The following CAP2 variants were observed in gnomAD, a reference collection of about 807,000 sequenced individuals.
CAP2 encodes the protein cyclase associated actin cytoskeleton regulatory protein 2, also known as adenylyl cyclase-associated protein 2.
CAP2 carries 24 observed loss-of-function variants against 57.7 expected under a neutral mutation model. That is an observed-to-expected ratio of 0.42 (90% confidence interval 0.30 to 0.58). The LOEUF is 0.58. CAP2 is among the 20% of genes least tolerant of loss of function. The pLI is 0.22. For synonymous variants in CAP2, 194 were observed against 207.2 expected (o/e 0.94, Z 0.55); for missense variants, 501 against 590.3 (o/e 0.85, Z 1.57).
chr6:17,402,447 A>G (rs949571429), intron 1 of CAP2, among the ~76,000 whole-genome samples: 1 of 152,236 alleles, frequency 6.6e-6, no homozygotes, highest in African/African-American at 2.4e-5. Context: ...CCTTTTGCAA[A>G]TCATGTGTTT....
At chr6:17,483,684 C>G (rs1022375426) in intron 4 of CAP2, among the ~76,000 whole-genome samples, 5 of 152,180 alleles carry the variant, frequency 3.3e-5, no homozygotes, top group Non-Finnish European at 7.3e-5. Flanking sequence ...ATAGAGAATT[C>G]TCACATGCCC....
At chr6:17,511,216 G>T (rs1443216600) in intron 6 of CAP2, among the ~76,000 whole-genome samples, 2 of 152,144 alleles carry the variant, frequency 1.3e-5, no homozygotes, top group African/African-American at 2.4e-5. Flanking sequence ...TCTGAAAGCG[G>T]ACTAAGCAGC....
chr6:17,401,193 G>A lies in CAP2; in HGVS notation c.-2+7447G>A, dbSNP rs117496044. Among the ~76,000 whole-genome samples, 268 of 152,256 alleles carry A rather than the reference G, an allele frequency of 1.8e-3. 1 individual carries two copies. The highest frequency in any genetic ancestry group is 0.011 in the East Asian group (59 of 5,176). On this transcript the variant is annotated intron_variant, in intron 1 of 12. Coordinates refer to ENST00000229922, the MANE Select transcript of CAP2 (RefSeq NM_006366.3). Reference sequence around the variant, plus strand: ...GCCTTGGGAGGTGAATAGGTCATGGGGTAGAGCACTCATGAATGGATTAGT... The same window carrying A: ...GCCTTGGGAGGTGAATAGGTCATGGAGTAGAGCACTCATGAATGGATTAGT...
At chr6:17,428,011 T>A (rs1759634921) in intron 3 of CAP2, among the ~76,000 whole-genome samples, 1 of 152,222 alleles carries the variant, frequency 6.6e-6, no homozygotes, top group African/African-American at 2.4e-5. Flanking sequence ...AGGAAATTGT[T>A]CAATGAGTAC....
intron 1 of CAP2, among the ~76,000 whole-genome samples, chr6:17,415,956 A>G (rs1489849549): frequency 1.3e-5 from 2 of 151,990 alleles, no homozygotes; most frequent in African/African-American, 2.4e-5. Flanking sequence ...TGAAGAAAAT[A>G]TGAGGGATGA....
intron 3 of CAP2, among the ~76,000 whole-genome samples, chr6:17,461,802 C>T (rs1581538519): frequency 2.0e-5 from 3 of 149,898 alleles, no homozygotes; most frequent in South Asian, 4.3e-4. Flanking sequence ...ACCATCCTGG[C>T]GAACACTGTG....
intron 1 of CAP2, among the ~76,000 whole-genome samples, chr6:17,416,088 A>G (rs561607302): frequency 1.3e-5 from 2 of 148,854 alleles, no homozygotes; most frequent in African/African-American, 2.4e-5. Flanking sequence ...ATATGTTCAG[A>G]GGGAAAAATA....
At chr6:17,523,601 A>G (rs1011508461) in intron 7 of CAP2, among the ~76,000 whole-genome samples, 1 of 152,222 alleles carries the variant, frequency 6.6e-6, no homozygotes, top group African/African-American at 2.4e-5. Context: ...CTAATCAAGG[A>G]GACAAGAGAT....
At chr6:17,454,116 C>T (rs1561789370) in intron 3 of CAP2, among the ~76,000 whole-genome samples, 1 of 151,578 alleles carries the variant, frequency 6.6e-6, no homozygotes, top group Non-Finnish European at 1.5e-5. Context: ...TACCATGTTG[C>T]CCAGGCTGGT....
At chr6:17,398,265 C>T (rs1758720090) in intron 1 of CAP2, among the ~76,000 whole-genome samples, 1 of 152,126 alleles carries the variant, frequency 6.6e-6, no homozygotes, top group African/African-American at 2.4e-5. Context: ...TACTAAACCT[C>T]ATTAAAAGTT....
intron 1 of CAP2, among the ~76,000 whole-genome samples, chr6:17,416,605 A>G (rs1337092178): frequency 6.6e-6 from 1 of 152,214 alleles, no homozygotes; most frequent in Non-Finnish European, 1.5e-5. Flanking sequence ...AACTCAGTAG[A>G]TAATGCCCCA....
chr6:17,458,323 A>G (rs1760630333), intron 3 of CAP2, among the ~76,000 whole-genome samples: 1 of 152,232 alleles, frequency 6.6e-6, no homozygotes, highest in Non-Finnish European at 1.5e-5. Flanking sequence ...GGCTTTGAGA[A>G]AAACATACAC....
intron 4 of CAP2, among the ~76,000 whole-genome samples, chr6:17,500,461 C>T (rs1411386511): frequency 4.8e-5 from 7 of 146,896 alleles, no homozygotes; most frequent in African/African-American, 1.8e-4. Flanking sequence ...CTCCGCCTCC[C>T]GGGTTCAAGC....
At chr6:17,517,836 G>A (rs771359862) in intron 7 of CAP2, among the ~76,000 whole-genome samples, 8 of 152,124 alleles carry the variant, frequency 5.3e-5, no homozygotes, top group Non-Finnish European at 1.0e-4. Flanking sequence ...GGGAGGCAGT[G>A]GTTGTAGTGA....
chr6:17,397,649 C>G (rs901424249), intron 1 of CAP2, among the ~76,000 whole-genome samples: 1 of 143,492 alleles, frequency 7.0e-6, no homozygotes, highest in Non-Finnish European at 1.5e-5. Flanking sequence ...GAGCCGAGAT[C>G]GCGCCACTGC....
intron 7 of CAP2, among the ~76,000 whole-genome samples, chr6:17,533,367 G>T (rs979544521): frequency 6.6e-6 from 1 of 152,040 alleles, no homozygotes; most frequent in Non-Finnish European, 1.5e-5. Flanking sequence ...TTAACTTAGA[G>T]TAAGGGATTT....
chr6:17,443,926 G>C (rs1359127153), intron 3 of CAP2, among the ~76,000 whole-genome samples: 1 of 152,080 alleles, frequency 6.6e-6, no homozygotes, highest in Non-Finnish European at 1.5e-5. Flanking sequence ...AATATAAGAT[G>C]TTTTAGTGAT....
At chr6:17,511,475 A>G (rs1159239057) in intron 6 of CAP2, among the ~76,000 whole-genome samples, 2 of 151,936 alleles carry the variant, frequency 1.3e-5, no homozygotes, top group African/African-American at 4.8e-5. Context: ...TTTTTGATAC[A>G]GAGTCTCGCT....
chr6:17,444,891 C>T (rs936202323), intron 3 of CAP2, among the ~76,000 whole-genome samples: 17 of 151,320 alleles, frequency 1.1e-4, no homozygotes, highest in Admixed American at 9.2e-4. Context: ...ATCCAGTACC[C>T]GCCTCATTCC....
Sources: allele counts gnomAD v4.1 joint callset (sites outside exome capture counted in the v4.1 genomes callset), GRCh38; gene constraint gnomAD v4.1.1; transcripts MANE v1.5; gene names NCBI Gene and HGNC (gene_info 2026-07-23, HGNC 2026-07-21).